The following ARID1B variants were observed in gnomAD, a reference collection of about 807,000 sequenced individuals.
ARID1B encodes AT-rich interaction domain 1B, also known as AT-rich interactive domain-containing protein 1B.
In ARID1B, 30 loss-of-function variants were observed where a neutral mutation model predicts 212.3. The observed-to-expected ratio is 0.14, with a 90% confidence interval of 0.11 to 0.19. The LOEUF (loss-of-function observed/expected upper bound fraction) is 0.19. Ranked by LOEUF, ARID1B falls within the 10% of genes least tolerant of loss-of-function variation. ARID1B has a pLI of 1.00. For synonymous variants in ARID1B, 1,402 were observed against 1,301.7 expected, an observed-to-expected ratio of 1.08 and a Z score of -1.66; for missense variants, 2,891 against 3,204.0, an observed-to-expected ratio of 0.90 and a Z score of 2.36.
At chr6:156,986,522 G>A (rs1440903547) in intron 4 of ARID1B, among the ~76,000 whole-genome samples, 2 of 152,188 alleles carry the variant, frequency 1.3e-5, no homozygotes, top group Admixed American at 6.5e-5. Context: ...CTGTCACTCG[G>A]TCAGCTTGTT....
intron 4 of ARID1B, among the ~76,000 whole-genome samples, chr6:157,041,264 A>G (rs1781854628): frequency 6.6e-6 from 1 of 152,236 alleles, no homozygotes; most frequent in South Asian, 2.1e-4. Context: ...GCTGCTGTTG[A>G]TAATGGGATG....
intron 4 of ARID1B, among the ~76,000 whole-genome samples, chr6:157,074,323 T>C (rs1467548608): frequency 6.6e-6 from 1 of 151,766 alleles, no homozygotes; most frequent in African/African-American, 2.4e-5. Flanking sequence ...GCCTCCGGGG[T>C]TCAAGCAATT....
In ARID1B at chr6:157,148,943, A is replaced by G; in HGVS notation, c.3081A>G (p.Ala1027=). 1 of 1,610,390 alleles carries G rather than the reference A, an allele frequency of 6.2e-7. No homozygotes were observed. Among genetic ancestry groups the G allele is most frequent in the East Asian group, 2.2e-5 (1 of 44,824 alleles). The change falls in exon 8 of 20, where the codon GCA becomes GCG. Residue 1027 remains alanine, a synonymous_variant. Coordinates refer to ENST00000636930, the MANE Select transcript of ARID1B (RefSeq NM_001374828.1). This position sits in a 1 kb window ranked among gnomAD's most constrained non-coding sequence, Gnocchi z 5.6. ...TGATGCAGGCTGCTGCGAACTCAGC[A>G]CAAAGCAGGTACGCCACCCAGGAGC... ...AAVMQAAANS[A]QSRQGSFPGM...
intron 7 of ARID1B, among the ~76,000 whole-genome samples, chr6:157,136,664 C>G (rs1209902880): frequency 1.3e-5 from 2 of 152,148 alleles, no homozygotes; most frequent in Non-Finnish European, 2.9e-5. Context: ...GAGTTCGAGA[C>G]CAGCCTGGGC....
intron 9 of ARID1B, chr6:157,168,496 T>C (rs547049657): frequency 6.6e-6 from 1 of 152,334 alleles, no homozygotes; most frequent in South Asian, 2.1e-4. Context: ...AACAGAATAT[T>C]GGGTTGTGAC....
intron 2 of ARID1B, among the ~76,000 whole-genome samples, chr6:156,884,029 A>AAT (rs1435046394): frequency 5.3e-5 from 8 of 152,198 alleles, no homozygotes; most frequent in African/African-American, 1.9e-4. Flanking sequence ...ATCGTGCCCT[A>AAT]ATGCAGTGTT....
chr6:156,962,316 G>A (rs900102071), intron 4 of ARID1B, among the ~76,000 whole-genome samples: 4 of 152,022 alleles, frequency 2.6e-5, no homozygotes, highest in Non-Finnish European at 5.9e-5. Context: ...ACTATAGAAA[G>A]GTAAATGATA....
chr6:157,036,444 T>C, intron 4 of ARID1B: 1 of 206,444 alleles, frequency 4.8e-6, no homozygotes. Context: ...CATAGTGAGA[T>C]TGCTCTACAA....
intron 3 of ARID1B, among the ~76,000 whole-genome samples, chr6:156,927,456 G>A (rs1317140979): frequency 6.6e-6 from 1 of 152,126 alleles, no homozygotes; most frequent in East Asian, 1.9e-4. Context: ...TTTTTTGGGA[G>A]GTGGGATATT....
chr6:156,934,378 T>A (rs144314575), intron 3 of ARID1B, among the ~76,000 whole-genome samples: 192 of 152,322 alleles, frequency 1.3e-3, no homozygotes, highest in African/African-American at 4.4e-3. Flanking sequence ...TATATGCTAA[T>A]TATTTCAGCA....
intron 4 of ARID1B, among the ~76,000 whole-genome samples, chr6:157,002,462 G>C (rs1274839889): frequency 6.6e-6 from 1 of 152,184 alleles, no homozygotes; most frequent in Non-Finnish European, 1.5e-5. Flanking sequence ...GTTGACACTT[G>C]TAATACACAA....
At chr6:156,918,478 GTCTATTAAC>G (rs1407755151) in intron 3 of ARID1B, among the ~76,000 whole-genome samples, 3 of 152,152 alleles carry the variant, frequency 2.0e-5, no homozygotes, top group Admixed American at 2.0e-4. Context: ...TATTAACACA[GTCTATTAAC>G]TCAGTAAAAA....
At chr6:156,852,100 A>G (rs1038293293) in intron 2 of ARID1B, among the ~76,000 whole-genome samples, 2 of 152,136 alleles carry the variant, frequency 1.3e-5, no homozygotes, top group Non-Finnish European at 2.9e-5. Flanking sequence ...TTCAATTGTA[A>G]TAGCCTTCAC....
In ARID1B at chr6:157,207,612, A is replaced by G; in HGVS notation, c.6840A>G (p.Gly2280=). The change falls in exon 20 of 20, where the codon GGA becomes GGG. Residue 2280 remains glycine, a synonymous_variant. Transcript: ENST00000636930. This position sits in a 1 kb window ranked among gnomAD's most constrained non-coding sequence, Gnocchi z 8.5. ...RAIAVQKGSI[G]NLISFLEDGV... is the part of the protein sequence containing the mutation. Reference sequence around the variant, plus strand: ...TAGCTGTGCAGAAAGGAAGCATTGGAAACTTGATAAGCTTCCTAGAGGATG... The same window carrying G: ...TAGCTGTGCAGAAAGGAAGCATTGGGAACTTGATAAGCTTCCTAGAGGATG... 6.2e-7 allele frequency: 1 copy of G among 1,614,174 alleles called. No individual in the cohort carries two copies. Among genetic ancestry groups the G allele is most frequent in the Non-Finnish European group, 8.5e-7 (1 of 1,180,026 alleles).
chr6:157,163,851 G>A (rs146014371), intron 8 of ARID1B, among the ~76,000 whole-genome samples: 2,919 of 152,364 alleles, frequency 0.019, 51 homozygotes, highest in Admixed American at 0.033. Context: ...CTCACTGAGT[G>A]TTAGCAGTGT....
At chr6:157,018,506 G>A (rs950478741) in intron 4 of ARID1B, among the ~76,000 whole-genome samples, 1 of 152,116 alleles carries the variant, frequency 6.6e-6, no homozygotes, top group Non-Finnish European at 1.5e-5. Context: ...GAGCCACCGT[G>A]CCCGGCATAA....
chr6:157,087,364 A>G (rs1008716519), intron 5 of ARID1B, among the ~76,000 whole-genome samples: 1 of 152,214 alleles, frequency 6.6e-6, no homozygotes. Flanking sequence ...TTTGAACTTG[A>G]TGGACTTTCA....
Position 157,206,541 on chromosome 6 carries a change from T to A in ARID1B, c.5769T>A (p.Val1923=). ...TCAAAAAGAACAACCTGTTTGTTGTTGACCGATCTGACAAGTTGGGGCGTG... is the reference window on the plus strand; with the variant it reads ...TCAAAAAGAACAACCTGTTTGTTGTAGACCGATCTGACAAGTTGGGGCGTG... ...KIVKKNNLFV[V]DRSDKLGRVQ... Residue 1923 remains valine (V), a synonymous_variant, in exon 20 of 20, where the codon GTT becomes GTA. Transcript: ENST00000636930. This position sits in a 1 kb window ranked among gnomAD's most constrained non-coding sequence, Gnocchi z 6.8. 1 of 1,614,176 alleles carries A rather than the reference T, an allele frequency of 6.2e-7. No individual in the cohort carries two copies. The highest frequency in any genetic ancestry group is 1.6e-4 in the Middle Eastern group (1 of 6,062).
intron 1 of ARID1B, among the ~76,000 whole-genome samples, chr6:156,784,422 T>C (rs1272219601): frequency 6.6e-6 from 1 of 152,214 alleles, no homozygotes; most frequent in African/African-American, 2.4e-5. Flanking sequence ...TCAATGGCCC[T>C]TTTGGTTTAA....
Sources: gnomAD v4.1 joint callset for allele counts (sites outside exome capture counted in the v4.1 genomes callset) on GRCh38, gnomAD v4.1.1 for gene constraint, Gnocchi (gnomAD v3.1) non-coding constraint, MANE v1.5 for transcripts, NCBI Gene and HGNC (gene_info 2026-07-23, HGNC 2026-07-21) for gene names.